The following RSRC1 variants were observed in gnomAD, a reference collection of about 807,000 sequenced individuals.
RSRC1 encodes serine/Arginine-related protein 53.
RSRC1 carries 39 observed loss-of-function variants against 49.1 expected under a neutral mutation model. The ratio of observed to expected loss-of-function variants is 0.79; its 90% CI spans 0.61 to 1.04. The LOEUF (loss-of-function observed/expected upper bound fraction) is 1.04, where lower values mean the gene tolerates loss of function less well. RSRC1 is among the 50% of genes least tolerant of loss of function. The pLI is 0.00. For missense variants in RSRC1, 388 were observed against 402.4 expected (o/e 0.96, Z 0.31); for synonymous variants, 143 against 130.8 (o/e 1.09, Z -0.63).
At chr3:158,117,237 G>C (rs1297072472) in intron 1 of RSRC1, among the ~76,000 whole-genome samples, 1 of 152,070 alleles carries the variant, frequency 6.6e-6, no homozygotes, top group African/African-American at 2.4e-5. Flanking sequence ...GTTTTTATGA[G>C]ATATACTGGG....
intron 4 of RSRC1, among the ~76,000 whole-genome samples, chr3:158,234,064 A>G (rs1487625695): frequency 6.6e-6 from 1 of 152,202 alleles, no homozygotes; most frequent in African/African-American, 2.4e-5. Context: ...AAAAGAGGCC[A>G]TGACTGTGAT....
intron 5 of RSRC1, among the ~76,000 whole-genome samples, chr3:158,309,304 A>G (rs1367346792): frequency 1.3e-5 from 2 of 151,840 alleles, no homozygotes; most frequent in Non-Finnish European, 3.0e-5. Flanking sequence ...GTGAAAAAAT[A>G]TATTTAAGGG....
chr3:158,147,102 C>CTTTTTTTTTTTTTTTTTT lies in RSRC1; in HGVS notation c.320+23121_320+23138dup, dbSNP rs35460810. Among the ~76,000 whole-genome samples, 8 of 34,732 alleles carry CTTTTTTTTTTTTTTTTTT rather than the reference C, an allele frequency of 2.3e-4. 1 individual carries two copies. Among genetic ancestry groups the CTTTTTTTTTTTTTTTTTT allele is most frequent in the African/African-American group, 7.6e-4 (5 of 6,610 alleles). The allele number at this position is 34,732 out of a possible 152,430, so 22.8% of individuals were successfully genotyped here. A position where few individuals can be genotyped will look rare whatever the true frequency, so the allele number is the denominator to read the frequency against. ...CCTTTTCTTTCTTCTGCTTTTCTGC[C>CTTTTTTTTTTTTTTTTTT]TTTTTTTTTTTTTTTTTTTTTTTTT... On this transcript the variant is annotated intron_variant, in intron 3 of 9. Coordinates refer to ENST00000611884, the MANE Select transcript of RSRC1 (RefSeq NM_001271838.2).
At position 158,346,533 on chromosome 3, in the gene RSRC1, T is replaced by A. The variant is rs1730563203; in HGVS notation, c.532-8324T>A. 2.6e-5 allele frequency among the ~76,000 whole-genome samples: 4 copies of A among 152,342 alleles called. No homozygotes were observed. In the South Asian group the frequency reaches 8.3e-4, roughly 32 times the overall value. On this transcript the variant is annotated intron_variant, in intron 5 of 9. Transcript: ENST00000611884. ...TATGGATAATCAGTACATGAAAAGA[T>A]GCTCAACACCGTTATTCATTAGGGA...
intron 4 of RSRC1, among the ~76,000 whole-genome samples, chr3:158,271,952 T>G (rs1725541757): frequency 6.6e-6 from 1 of 152,162 alleles, no homozygotes; most frequent in Non-Finnish European, 1.5e-5. Context: ...TATTTGCATA[T>G]AATCATTTTA....
At chr3:158,226,214 AGAGTTGTTGGTGGGGCAACTCT>A (rs1175396781) in intron 4 of RSRC1, among the ~76,000 whole-genome samples, 2 of 151,940 alleles carry the variant, frequency 1.3e-5, no homozygotes, top group African/African-American at 2.4e-5. Context: ...TTTCCTTCAA[AGAGTTGTTGGTGGGGCAACTCT>A]GACAGGATCA....
At chr3:158,161,196 C>T (rs974113864) in intron 3 of RSRC1, among the ~76,000 whole-genome samples, 1 of 152,162 alleles carries the variant, frequency 6.6e-6, no homozygotes, top group Admixed American at 6.5e-5. Context: ...CTCACAGAGA[C>T]ATCTGTGAGT....
At chr3:158,275,461 TC>T (rs1725753011) in intron 4 of RSRC1, among the ~76,000 whole-genome samples, 1 of 152,166 alleles carries the variant, frequency 6.6e-6, no homozygotes, top group Non-Finnish European at 1.5e-5. Flanking sequence ...ATTGCCATCA[TC>T]CCAGTAAAGC....
At chr3:158,129,036 C>T (rs1578113582) in intron 3 of RSRC1, among the ~76,000 whole-genome samples, 1 of 152,060 alleles carries the variant, frequency 6.6e-6, no homozygotes, top group East Asian at 1.9e-4. Context: ...TGCCAGGTTT[C>T]GCCTGTGAAG....
intron 5 of RSRC1, among the ~76,000 whole-genome samples, chr3:158,330,017 G>A (rs891002895): frequency 1.4e-4 from 21 of 152,184 alleles, no homozygotes; most frequent in Admixed American, 2.6e-4. Context: ...CTCCGTGGGC[G>A]TTGGACCCTC....
chr3:158,219,021 G>C (rs995949309), intron 4 of RSRC1, among the ~76,000 whole-genome samples: 1 of 151,598 alleles, frequency 6.6e-6, no homozygotes, highest in East Asian at 1.9e-4. Context: ...TACTAGGGGA[G>C]CATATTGAAA....
At chr3:158,408,195 G>T (rs926986233) in intron 6 of RSRC1, among the ~76,000 whole-genome samples, 3 of 152,132 alleles carry the variant, frequency 2.0e-5, no homozygotes, top group African/African-American at 7.2e-5. Context: ...CTCGTTCACT[G>T]AGCCATTATT....
rs536588975 is a variant in RSRC1 at position 158,482,548 on chromosome 3, T to C, written c.652+21545T>C. ...GTAGTCCTGCCTAAAGGCAGGAGAA[T>C]GGACAAGAAGACTTCTTAAAGTCCC... On this transcript the variant is annotated intron_variant, in intron 7 of 9. Transcript: ENST00000611884. 7.9e-5 allele frequency among the ~76,000 whole-genome samples: 12 copies of C among 152,164 alleles called. No homozygotes were observed. The South Asian group carries it at 2.5e-3, about 32-fold the overall frequency.
chr3:158,309,838 C>A (rs1728033835), intron 5 of RSRC1, among the ~76,000 whole-genome samples: 1 of 151,686 alleles, frequency 6.6e-6, no homozygotes, highest in Non-Finnish European at 1.5e-5. Flanking sequence ...CCAATACCAT[C>A]ATGTCAGTTG....
chr3:158,248,580 T>A (rs1169801267), intron 4 of RSRC1, among the ~76,000 whole-genome samples: 1 of 146,704 alleles, frequency 6.8e-6, no homozygotes, highest in Non-Finnish European at 1.5e-5. Context: ...ATGGCTGACT[T>A]GTTTTGTAGG....
In RSRC1 at chr3:158,194,054, TACACACACACACACACACACACAC is replaced by T. The variant is rs10530687; in HGVS notation, c.321-8992_321-8969del. On this transcript the variant is annotated intron_variant, in intron 3 of 9. Transcript: ENST00000611884. ...GGGCAAAATAGTGAGACCCCGTCTATACACACACACACACACACACACACACACACACACACACACACACACACA... is the reference window on the plus strand; with the variant it reads ...GGGCAAAATAGTGAGACCCCGTCTATACACACACACACACACACACACACA... 1.7e-3 allele frequency among the ~76,000 whole-genome samples: 248 copies of T among 144,166 alleles called. 1 individual carries two copies. The highest frequency in any genetic ancestry group is 2.6e-3 in the Non-Finnish European group (174 of 66,230). 94.6% of individuals were successfully genotyped at this position (144,166 alleles called of 152,430 possible).
chr3:158,194,891 T>G (rs929946869), intron 3 of RSRC1, among the ~76,000 whole-genome samples: 2 of 152,178 alleles, frequency 1.3e-5, no homozygotes, highest in African/African-American at 4.8e-5. Context: ...TAATCCAGTC[T>G]ATCATTGTTG....
intron 5 of RSRC1, among the ~76,000 whole-genome samples, chr3:158,310,524 G>T (rs1728069840): frequency 1.3e-5 from 2 of 151,714 alleles, no homozygotes; most frequent in African/African-American, 4.8e-5. Flanking sequence ...CATAGCTTTT[G>T]TGTGTTACCT....
chr3:158,449,346 G>A (rs2108386969), intron 6 of RSRC1, among the ~76,000 whole-genome samples: 1 of 152,036 alleles, frequency 6.6e-6, no homozygotes, highest in Non-Finnish European at 1.5e-5. Flanking sequence ...AGCATTTCCT[G>A]AAATGTATTC....
Sources: gnomAD v4.1 joint callset for allele counts (sites outside exome capture counted in the v4.1 genomes callset) on GRCh38, gnomAD v4.1.1 for gene constraint, MANE v1.5 for transcripts, NCBI Gene and HGNC (gene_info 2026-07-23, HGNC 2026-07-21) for gene names.